Variants in NRG4 observed in about 807,000 individuals in gnomAD.
The protein encoded by NRG4 is neuregulin 4.
A neutral mutation model predicts 15.0 loss-of-function variants in NRG4; 10 were observed. The observed-to-expected ratio is 0.67, with a 90% confidence interval of 0.41 to 1.13. NRG4 has a LOEUF of 1.13. Among genes scored for constraint, NRG4 ranks in the 50% most tolerant of loss-of-function variants. NRG4 has a pLI of 0.00. For missense variants in NRG4, 139 were observed against 140.2 expected, an observed-to-expected ratio of 0.99 and a Z score of 0.04; for synonymous variants, 41 against 50.1, an observed-to-expected ratio of 0.82 and a Z score of 0.77.
chr15:75,987,818 C>T lies in NRG4; in HGVS notation c.104+21382G>A, dbSNP rs1026912756. Among the ~76,000 whole-genome samples the T allele has an allele frequency of 2.6e-4, 39 of 152,180 alleles. 2 individuals carry two copies. On this transcript the variant is annotated intron_variant, in intron 3 of 5. Coordinates refer to ENST00000394907, the MANE Select transcript of NRG4 (RefSeq NM_138573.4). ...TTTAGGCTCACCTTACTCAGGCTCACAATAATCCTGTTACTGTTATCAAGG... is the reference window on the plus strand; with the variant it reads ...TTTAGGCTCACCTTACTCAGGCTCATAATAATCCTGTTACTGTTATCAAGG...
intron 3 of NRG4, chr15:75,969,273 A>G (rs1395145246): frequency 8.8e-6 from 4 of 454,292 alleles, no homozygotes; most frequent in Non-Finnish European, 1.8e-5. Flanking sequence ...CACAGTTGTT[A>G]CTCTGCGTGG....
chr15:75,980,547 C>G (rs890713834), intron 3 of NRG4, among the ~76,000 whole-genome samples: 2 of 152,094 alleles, frequency 1.3e-5, no homozygotes, highest in Non-Finnish European at 2.9e-5. Flanking sequence ...GAAGAATACA[C>G]TCAGTATGAA....
At chr15:76,007,206 C>T (rs2034635497) in intron 3 of NRG4, among the ~76,000 whole-genome samples, 2 of 151,602 alleles carry the variant, frequency 1.3e-5, no homozygotes, top group Admixed American at 1.3e-4. Flanking sequence ...TGATTTTGCT[C>T]ATTATAAAGC....
intron 3 of NRG4, among the ~76,000 whole-genome samples, chr15:76,002,486 A>G (rs1287476944): frequency 1.3e-5 from 2 of 152,184 alleles, no homozygotes; most frequent in African/African-American, 4.8e-5. Flanking sequence ...GTAGACTTAA[A>G]CCTAGCCATA....
In NRG4 at chr15:76,009,394, A is replaced by G. The variant is rs1374484063; in HGVS notation, c.11-101T>C. 1.4e-5 allele frequency: 8 copies of G among 563,888 alleles called. No individual in the cohort carries two copies. In the East Asian group the frequency reaches 2.5e-4, roughly 17 times the overall value. 34.9% of individuals were successfully genotyped at this position (563,888 alleles called of 1,614,324 possible). ...ATCTTAAACTGAAGTAGCAATTCTG[A>G]AAATCAGAATGAAGAATTTTTTTTC... On this transcript the variant is annotated intron_variant, in intron 2 of 5. Coordinates refer to ENST00000394907, the MANE Select transcript of NRG4 (RefSeq NM_138573.4).
At chr15:76,045,857 CCT>C (rs2035857678) in intron 4 of NRG4, among the ~76,000 whole-genome samples, 1 of 150,702 alleles carries the variant, frequency 6.6e-6, no homozygotes, top group African/African-American at 2.5e-5. Context: ...ATCAATAAGA[CCT>C]AGTATTTGCT....
At chr15:76,055,651 G>A (rs1445316545) in intron 2 of NRG4, among the ~76,000 whole-genome samples, 2 of 151,530 alleles carry the variant, frequency 1.3e-5, no homozygotes, top group Non-Finnish European at 2.9e-5. Context: ...AGAATATACT[G>A]TTTATTAAAA....
intron 3 of NRG4, among the ~76,000 whole-genome samples, chr15:75,990,679 T>TTG (rs1555433982): frequency 2.0e-5 from 3 of 147,220 alleles, no homozygotes; most frequent in Non-Finnish European, 3.0e-5. Flanking sequence ...TTGTTTTTTT[T>TTG]TTTTGTTTTT....
At position 75,961,945 on chromosome 15, in the gene NRG4, C is replaced by T; in HGVS notation, c.134G>A (p.Cys45Tyr). 6.2e-7 allele frequency: 1 copy of T among 1,613,562 alleles called. No homozygotes were observed. The highest frequency in any genetic ancestry group is 1.1e-5 in the South Asian group (1 of 91,048). Residue 45 changes from cysteine to tyrosine, a missense_variant, in exon 4 of 6, where the codon TGT becomes TAT. Physicochemically the swap from Cys to Tyr is radical, Grantham distance 194. Coordinates refer to ENST00000394907, the MANE Select transcript of NRG4 (RefSeq NM_138573.4). ...RCVENYTGAR[C>Y]EEVFLPGSSI... ...GGAGCCTGGGAGAAAAACCTCTTCA[C>T]AACGAGCTCCTGTATAGTTTTCAAC...
chr15:76,002,970 A>T (rs187680191), intron 3 of NRG4, among the ~76,000 whole-genome samples: 133 of 152,258 alleles, frequency 8.7e-4, no homozygotes, highest in Middle Eastern at 6.8e-3. Flanking sequence ...TTATTTACCA[A>T]TGTGACTTAA....
At chr15:76,048,619 T>C (rs1337726732) in intron 4 of NRG4, among the ~76,000 whole-genome samples, 1 of 150,962 alleles carries the variant, frequency 6.6e-6, no homozygotes, top group East Asian at 1.9e-4. Context: ...TAGCTCTGTA[T>C]AGAAATGTAA....
At chr15:76,039,375 G>A (rs1461920908) in intron 4 of NRG4, among the ~76,000 whole-genome samples, 1 of 152,120 alleles carries the variant, frequency 6.6e-6, no homozygotes, top group Non-Finnish European at 1.5e-5. Flanking sequence ...AGATAACACA[G>A]AGAAGGAATG....
At chr15:76,015,561 A>G (rs334946), upstream of NRG4, among the ~76,000 whole-genome samples, 1,648 of 152,008 alleles carry the variant, frequency 0.011, 31 homozygotes, top group African/African-American at 0.037. Context: ...ATAAAGGGGT[A>G]TTGACTTTTA....
intron 4 of NRG4, among the ~76,000 whole-genome samples, chr15:75,958,000 TA>T (rs35503663): frequency 0.062 from 9,414 of 152,160 alleles, 599 homozygotes; most frequent in African/African-American, 0.17. Context: ...GCCTCTCACT[TA>T]ATTTTTATTT....
upstream of NRG4, among the ~76,000 whole-genome samples, chr15:76,016,394 G>T (rs1448380458): frequency 6.6e-6 from 1 of 152,048 alleles, no homozygotes; most frequent in Non-Finnish European, 1.5e-5. Context: ...GAATTTGTTT[G>T]CTCTTGCTCC....
intron 5 of NRG4, among the ~76,000 whole-genome samples, chr15:76,034,284 G>A (rs1409814273): frequency 6.6e-6 from 1 of 152,110 alleles, no homozygotes; most frequent in East Asian, 1.9e-4. Flanking sequence ...TTCAGAAAAG[G>A]GAATAATGGG....
At chr15:75,988,159 C>G (rs74024041) in intron 3 of NRG4, among the ~76,000 whole-genome samples, 1 of 152,064 alleles carries the variant, frequency 6.6e-6, no homozygotes, top group Non-Finnish European at 1.5e-5. Flanking sequence ...CAGAGGATGC[C>G]GACGTCAAAG....
chr15:76,028,321 C>T (rs188002406), intron 5 of NRG4, among the ~76,000 whole-genome samples: 36 of 151,604 alleles, frequency 2.4e-4, no homozygotes, highest in African/African-American at 7.7e-4. Flanking sequence ...AATGAGACAT[C>T]AAAACAGATA....
intron 3 of NRG4, among the ~76,000 whole-genome samples, chr15:76,005,167 A>T (rs1421031422): frequency 6.6e-6 from 1 of 152,012 alleles, no homozygotes; most frequent in Non-Finnish European, 1.5e-5. Context: ...TAAGGCCAGG[A>T]GTTTGATGCC....
Sources: allele counts gnomAD v4.1 joint callset (sites outside exome capture counted in the v4.1 genomes callset), GRCh38; gene constraint gnomAD v4.1.1; transcripts MANE v1.5; gene names NCBI Gene and HGNC (gene_info 2026-07-23, HGNC 2026-07-21).